C15orf40: variants seen among roughly 807,000 people sequenced by gnomAD.
C15orf40 encodes chromosome 15 open reading frame 40.
In C15orf40, 9 loss-of-function variants were observed where a neutral mutation model predicts 13.9. The observed-to-expected ratio is 0.65, with a 90% CI of 0.39 to 1.13. The LOEUF (loss-of-function observed/expected upper bound fraction) is 1.13. Among genes scored for constraint, C15orf40 ranks in the 50% most tolerant of loss-of-function variants. The probability of loss-of-function intolerance (pLI) is 0.01; values close to 1 mark genes in which losing one functional copy is unlikely to be tolerated. For synonymous variants in C15orf40, 95 were observed against 69.2 expected, an observed-to-expected ratio of 1.37 and a Z score of -1.85; for missense variants, 225 against 188.5, an observed-to-expected ratio of 1.19 and a Z score of -1.13.
chr15:83,010,232 T>C lies in C15orf40; in HGVS notation c.238+5A>G. On this transcript the variant is annotated splice_donor_5th_base_variant and intron_variant, in intron 2 of 3. Transcript: ENST00000304177. The stretch of plus-strand genomic sequence containing the variant: ...CTTGAATCCCACCCCAGTGTCCAGG[T>C]ATACCTGTTACAGCATTTTGTTTGG... The C allele has an allele frequency of 1.2e-6, 2 of 1,614,154 alleles. No homozygotes were observed. The highest frequency in any genetic ancestry group is 1.7e-6 in the Non-Finnish European group (2 of 1,180,006).
At position 82,999,485 on chromosome 15, in the gene C15orf40, C is replaced by G. The variant is rs925409539; in HGVS notation, c.*6112G>C. 1 of 152,210 alleles carries G rather than the reference C, an allele frequency of 6.6e-6. No individual in the cohort carries two copies. The highest frequency in any genetic ancestry group is 1.5e-5 in the Non-Finnish European group (1 of 68,062). 9.4% of individuals were successfully genotyped at this position (152,210 alleles called of 1,614,324 possible). On this transcript the variant is annotated 3_prime_UTR_variant, in exon 4 of 4. Transcript: ENST00000304177. The stretch of plus-strand genomic sequence containing the variant: ...TGCTGGGATTACAAGCGTGAGCCAA[C>G]ATGGCCAGCCTTACCTTTTACTTTT...
chr15:83,002,320 TCACCGTTTAAAATGA>T lies in C15orf40; in HGVS notation c.*3262_*3276del, dbSNP rs2031453750. The T allele has an allele frequency of 6.6e-6, 1 of 152,374 alleles. No homozygotes were observed. Among genetic ancestry groups the T allele is most frequent in the Non-Finnish European group, 1.5e-5 (1 of 68,038 alleles). The allele number at this position is 152,374 out of a possible 1,614,324, so 9.4% of individuals were successfully genotyped here. On this transcript the variant is annotated 3_prime_UTR_variant, in exon 4 of 4. Transcript: ENST00000304177. ...GCAAAATGTTCCCACGTTTAAAATA[TCACCGTTTAAAATGA>T]AGTAAATAGGTTATCGTAGTAGAAA...
rs1336893411 is a variant in C15orf40 at position 83,003,344 on chromosome 15, C to G, written c.*2253G>C. On this transcript the variant is annotated 3_prime_UTR_variant, in exon 4 of 4. Coordinates refer to ENST00000304177, the MANE Select transcript of C15orf40 (RefSeq NM_144597.3). ...GTTTCTCCATGTTGGTCAGGCTGGT[C>G]TCGAATTCCCGACCTCAGGTGATCC... 6.6e-6 allele frequency: 1 copy of G among 152,050 alleles called. No homozygotes were observed. Among genetic ancestry groups the G allele is most frequent in the East Asian group, 1.9e-4 (1 of 5,174 alleles). 9.4% of individuals were successfully genotyped at this position (152,050 alleles called of 1,614,324 possible). A position where few individuals can be genotyped will look rare whatever the true frequency, so the allele number is the denominator to read the frequency against.
At chr15:82,991,314 G>A (rs780260371), downstream of C15orf40, among the ~76,000 whole-genome samples, 5 of 152,212 alleles carry the variant, frequency 3.3e-5, no homozygotes, top group Admixed American at 6.5e-5. Flanking sequence ...TTGGGAGGCT[G>A]TGGGCGGATC....
In C15orf40 at chr15:83,005,053, T is replaced by A; in HGVS notation, c.*544A>T. The A allele has an allele frequency of 8.3e-7, 1 of 1,208,232 alleles. No homozygotes were observed. The highest frequency in any genetic ancestry group is 1.1e-6 in the Non-Finnish European group (1 of 935,684). 74.8% of individuals were successfully genotyped at this position (1,208,232 alleles called of 1,614,324 possible). ...ATCTTGAATATTCTTCCCAGCTCTG[T>A]TATTTTACAACGCCATGAAATCAGA... is the stretch of plus-strand genomic sequence containing the variant. On this transcript the variant is annotated 3_prime_UTR_variant, in exon 4 of 4. Transcript: ENST00000304177.
chr15:82,993,133 G>A (rs2030928670), downstream of C15orf40, among the ~76,000 whole-genome samples: 1 of 152,164 alleles, frequency 6.6e-6, no homozygotes, highest in South Asian at 2.1e-4. Flanking sequence ...TGTAAACACT[G>A]AGCTTATTGG....
Position 82,995,861 on chromosome 15 carries a change from A to G in C15orf40, c.*9736T>C, listed in dbSNP as rs1468948700. The G allele has an allele frequency of 2.0e-5, 3 of 152,314 alleles. No homozygotes were observed. Among genetic ancestry groups the G allele is most frequent in the African/African-American group, 7.2e-5 (3 of 41,482 alleles). The allele number at this position is 152,314 out of a possible 1,614,324, so 9.4% of individuals were successfully genotyped here. On this transcript the variant is annotated 3_prime_UTR_variant, in exon 4 of 4. Transcript: ENST00000304177. ...GCAGGATTAAGAGAGAGCATAAAGC[A>G]TGCAGCACTAAGCTAGGCACATAAT...
downstream of C15orf40, chr15:82,991,086 T>G (rs553759390): frequency 6.4e-6 from 1 of 156,070 alleles, no homozygotes; most frequent in Admixed American, 6.3e-5. Flanking sequence ...TTTATTAATA[T>G]GGTGAAATGA....
chr15:83,001,539 G>T lies in C15orf40; in HGVS notation c.*4058C>A. On this transcript the variant is annotated 3_prime_UTR_variant, in exon 4 of 4. Coordinates refer to ENST00000304177, the MANE Select transcript of C15orf40 (RefSeq NM_144597.3). ...TAATCAAGTCACTATAGACTGCCTA[G>T]CCAGTACTCACTTGAAATTAATGGG... 6.5e-6 allele frequency: 1 copy of T among 153,758 alleles called. No individual in the cohort carries two copies. Among genetic ancestry groups the T allele is most frequent in the Non-Finnish European group, 1.4e-5 (1 of 69,374 alleles). 9.5% of individuals were successfully genotyped at this position (153,758 alleles called of 1,614,324 possible).
At position 82,999,052 on chromosome 15, in the gene C15orf40, G is replaced by C. The variant is rs62010161; in HGVS notation, c.*6545C>G. 62,429 of 124,600 alleles carry C rather than the reference G, an allele frequency of 0.5. 15,859 individuals are homozygous for C. Among genetic ancestry groups the C allele is most frequent in the African/African-American group, 0.63 (18,571 of 29,372 alleles). The allele number at this position is 124,600 out of a possible 1,614,324, so 7.7% of individuals were successfully genotyped here. A position where few individuals can be genotyped will look rare whatever the true frequency, so the allele number is the denominator to read the frequency against. ...GCGCGCGCCTGCAATCACAGGCACT[G>C]GGCAGGCTGAGGCAGGAGAATCAGG... On this transcript the variant is annotated 3_prime_UTR_variant, in exon 4 of 4. Transcript: ENST00000304177.
At chr15:82,989,776 A>AT, downstream of C15orf40, 26 of 1,368,924 alleles carry the variant, frequency 1.9e-5, no homozygotes, top group Non-Finnish European at 2.6e-5. Context: ...TTTTAGTCTT[A>AT]TTTATTGTGT....
chr15:83,004,680 T>C lies in C15orf40; in HGVS notation c.*917A>G. On this transcript the variant is annotated 3_prime_UTR_variant, in exon 4 of 4. Transcript: ENST00000304177. The stretch of plus-strand genomic sequence containing the variant: ...TCACATTTAATTACAAGTCATGATT[T>C]TTCTTTACTTTTTCAACAAAATGGT... The C allele has an allele frequency of 2.2e-6, 2 of 916,626 alleles. No homozygotes were observed. The highest frequency in any genetic ancestry group is 3.6e-5 in the African/African-American group (2 of 55,750). 56.8% of individuals were successfully genotyped at this position (916,626 alleles called of 1,614,324 possible). A position where few individuals can be genotyped will look rare whatever the true frequency, so the allele number is the denominator to read the frequency against.
downstream of C15orf40, chr15:82,991,875 G>A: frequency 7.8e-7 from 1 of 1,286,278 alleles, no homozygotes; most frequent in Non-Finnish European, 1.0e-6. Flanking sequence ...AGATAGTAAT[G>A]TCCTGACTAC....
At chr15:82,990,254 CTG>C (rs1463904370), downstream of C15orf40, 4 of 265,936 alleles carry the variant, frequency 1.5e-5, no homozygotes, top group East Asian at 1.4e-4. Flanking sequence ...ATACCTGAAA[CTG>C]TGGATTATAT....
downstream of C15orf40, chr15:82,989,282 GT>G: frequency 6.1e-6 from 8 of 1,319,586 alleles, no homozygotes; most frequent in Non-Finnish European, 8.3e-6. Flanking sequence ...AGGGACCAGT[GT>G]TTTTGGTATG....
rs185387131 is a variant in C15orf40, at chr15:83,001,976, C to T, written c.*3621G>A. ...AGGCTGGAGTGCAGTGGTGTGATCC[C>T]GGCTCACTGCAGCTTCTGATTCCCG... On this transcript the variant is annotated 3_prime_UTR_variant, in exon 4 of 4. Coordinates refer to ENST00000304177, the MANE Select transcript of C15orf40 (RefSeq NM_144597.3). 61 of 152,376 alleles carry T rather than the reference C, an allele frequency of 4.0e-4. No homozygotes were observed. Among genetic ancestry groups the T allele is most frequent in the African/African-American group, 1.4e-3 (57 of 41,534 alleles). The allele number at this position is 152,376 out of a possible 1,614,324, so 9.4% of individuals were successfully genotyped here.
chr15:82,989,959 T>C, downstream of C15orf40: 5 of 1,610,796 alleles, frequency 3.1e-6, no homozygotes, highest in Non-Finnish European at 4.2e-6. Context: ...ATCAGTGGCA[T>C]GGACGATCCT....
chr15:82,992,919 A>C (rs1191718284), downstream of C15orf40, among the ~76,000 whole-genome samples: 2 of 152,272 alleles, frequency 1.3e-5, no homozygotes, highest in African/African-American at 4.8e-5. Flanking sequence ...AAAACCAGGA[A>C]GAAATAAAAG....
rs2031909536 is a variant in C15orf40 at position 83,010,085 on chromosome 15, A to G, written c.238+152T>C. On this transcript the variant is annotated intron_variant, in intron 2 of 3. Transcript: ENST00000304177. ...TATATTCACTTTAAGACACCTTTAC[A>G]TTAGAATCTAGAATTTTAAAATGGA... The G allele has an allele frequency of 2.1e-5, 23 of 1,072,856 alleles. No homozygotes were observed. In the South Asian group the frequency reaches 3.8e-4, roughly 18 times the overall value. The allele number at this position is 1,072,856 out of a possible 1,614,324, so 66.5% of individuals were successfully genotyped here.
Sources: allele counts gnomAD v4.1 joint callset (sites outside exome capture counted in the v4.1 genomes callset), GRCh38; gene constraint gnomAD v4.1.1; transcripts MANE v1.5; gene names NCBI Gene and HGNC (gene_info 2026-07-23, HGNC 2026-07-21).